The following IQUB variants were observed in gnomAD, a reference collection of about 807,000 sequenced individuals.
The protein encoded by IQUB is IQ motif and ubiquitin-like domain-containing protein.
Under a neutral mutation model 86.4 loss-of-function variants are expected in IQUB, and 86 were observed. The observed-to-expected ratio is 1.00, with a 90% CI of 0.84 to 1.19. The LOEUF (loss-of-function observed/expected upper bound fraction) is 1.19, where lower values mean the gene tolerates loss of function less well. Among genes scored for constraint, IQUB ranks in the 50% most tolerant of loss-of-function variants. The probability of loss-of-function intolerance (pLI) is 0.00; values close to 1 mark genes in which losing one functional copy is unlikely to be tolerated. For synonymous variants in IQUB, 289 were observed against 304.5 expected (o/e 0.95, Z 0.53); for missense variants, 946 against 916.9 (o/e 1.03, Z -0.41).
At chr7:123,455,873 A>T (rs969626047) in intron 12 of IQUB, among the ~76,000 whole-genome samples, 2 of 152,130 alleles carry the variant, frequency 1.3e-5, no homozygotes, top group Non-Finnish European at 2.9e-5. Flanking sequence ...GCACACAAGG[A>T]GAGATCAATC....
intron 7 of IQUB, among the ~76,000 whole-genome samples, chr7:123,489,528 GA>G (rs891864013): frequency 5.3e-5 from 8 of 151,390 alleles, no homozygotes; most frequent in African/African-American, 1.9e-4. Flanking sequence ...TACTAAAATG[GA>G]AAAAATATTA....
intron 1 of IQUB, 128 bp from the exon 2 acceptor site, chr7:123,512,472 T>C (rs1796464159): frequency 2.0e-6 from 1 of 506,024 alleles, no homozygotes; most frequent in African/African-American, 1.9e-5. Flanking sequence ...AAAAAAATGT[T>C]TATCTTAGTA....
intron 3 of IQUB, among the ~76,000 whole-genome samples, chr7:123,506,076 A>T (rs1354478217): frequency 6.6e-6 from 1 of 152,204 alleles, no homozygotes; most frequent in Non-Finnish European, 1.5e-5. Flanking sequence ...TAGAGCAAGG[A>T]CACAGTGCTG....
chr7:123,525,185 A>G (rs967336388), intron 1 of IQUB, among the ~76,000 whole-genome samples: 32 of 151,948 alleles, frequency 2.1e-4, no homozygotes, highest in Middle Eastern at 3.4e-3. Context: ...GTCTCTGCCC[A>G]GCTTTGGTAT....
In IQUB at chr7:123,503,010, A is replaced by T. The variant is rs1315367122; in HGVS notation, c.801T>A (p.Asn267Lys). 1 of 1,613,130 alleles carries T rather than the reference A, an allele frequency of 6.2e-7. No individual in the cohort carries two copies. The highest frequency in any genetic ancestry group is 8.5e-7 in the Non-Finnish European group (1 of 1,179,490). Residue 267 changes from asparagine (N) to lysine (K), a missense_variant, in exon 5 of 13, where the codon AAT (asparagine) becomes AAA (lysine). Coordinates refer to ENST00000324698, the MANE Select transcript of IQUB (RefSeq NM_178827.5). ...TTTTAGGTACAGTTTGTGTTCCAGC[A>T]TTGTGATACTCTACTCCTGTTACTT... The part of the protein sequence containing the change: ...RHKVTGVEYH[N>K]AGTQTVPKRI...
At chr7:123,497,427 T>C (rs1316280239) in intron 6 of IQUB, among the ~76,000 whole-genome samples, 1 of 152,020 alleles carries the variant, frequency 6.6e-6, no homozygotes, top group Non-Finnish European at 1.5e-5. Context: ...TAAATACACA[T>C]CAGGTAGGTA....
chr7:123,462,739 TATATC>T (rs1190048271), intron 10 of IQUB: 1 of 425,578 alleles, frequency 2.3e-6, no homozygotes, highest in East Asian at 7.1e-5. Context: ...AATTAGCAAA[TATATC>T]AGTCAACCTC....
chr7:123,480,273 C>T (rs1584580579), intron 7 of IQUB, among the ~76,000 whole-genome samples: 1 of 152,058 alleles, frequency 6.6e-6, no homozygotes, highest in South Asian at 2.1e-4. Flanking sequence ...TTTGTGGCAG[C>T]CATGAGCGTG....
intron 3 of IQUB, among the ~76,000 whole-genome samples, chr7:123,509,347 A>G (rs1414487727): frequency 6.6e-6 from 1 of 152,210 alleles, no homozygotes; most frequent in Non-Finnish European, 1.5e-5. Flanking sequence ...CTTAATGTAC[A>G]GAATACTCAT....
At chr7:123,527,997 G>T (rs1322661346) in intron 1 of IQUB, among the ~76,000 whole-genome samples, 2 of 152,266 alleles carry the variant, frequency 1.3e-5, no homozygotes, top group African/African-American at 2.4e-5. Flanking sequence ...TCCGAGCCGG[G>T]TGGGGGATAT....
At chr7:123,503,944 T>C (rs572004913) in intron 3 of IQUB, among the ~76,000 whole-genome samples, 7 of 151,960 alleles carry the variant, frequency 4.6e-5, no homozygotes, top group Non-Finnish European at 7.4e-5. Context: ...TGAAACTCCA[T>C]AAACATTTAA....
chr7:123,452,890 G>GTGTT lies in IQUB; in HGVS notation c.2225_2228dup (p.His743GlnfsTer8), dbSNP rs772959181. 1.9e-6 allele frequency: 3 copies of GTGTT among 1,612,760 alleles called. No individual in the cohort carries two copies. The highest frequency in any genetic ancestry group is 3.3e-5 in the Admixed American group (2 of 59,864). On this transcript the variant is annotated frameshift_variant, in exon 13 of 13. Transcript: ENST00000324698. LOFTEE classifies it low-confidence loss of function (END_TRUNC). ...AATAGTTCTTAGCCAGGATATGTTT[G>GTGTT]TGTTTGATCTTGTGAATAAATGAGC...
intron 10 of IQUB, among the ~76,000 whole-genome samples, chr7:123,464,380 C>T (rs1429575551): frequency 6.6e-6 from 1 of 151,792 alleles, no homozygotes; most frequent in Non-Finnish European, 1.5e-5. Context: ...TTATAAGGAA[C>T]ACCAACAAGG....
In IQUB at chr7:123,464,863, C is replaced by T. The variant is rs200441799; in HGVS notation, c.1728G>A (p.Leu576=). 6.3e-7 allele frequency: 1 copy of T among 1,595,788 alleles called. No homozygotes were observed. Among genetic ancestry groups the T allele is most frequent in the East Asian group, 2.3e-5 (1 of 44,198 alleles). The change falls in exon 10 of 13, where the codon CTG becomes CTA. Residue 576 remains leucine (L), a synonymous_variant. Transcript: ENST00000324698. The part of the protein sequence containing the change: ...TLFFHYIKTP[L]FNPEVAKYLK... The stretch of plus-strand genomic sequence containing the variant: ...GGTATTTTGCAACTTCAGGATTAAA[C>T]AGAGGTGTTTTGATATAATGAAAAA...
chr7:123,501,584 C>G (rs936522904), intron 6 of IQUB: 2 of 152,176 alleles, frequency 1.3e-5, no homozygotes, highest in Non-Finnish European at 2.9e-5. Flanking sequence ...AAACATTCCA[C>G]TCTTGCCTAG....
chr7:123,511,908 GA>G lies in IQUB; in HGVS notation c.397+35del, dbSNP rs751297595. 63 of 1,445,920 alleles carry G rather than the reference GA, an allele frequency of 4.4e-5. No individual in the cohort carries two copies. The Middle Eastern group carries it at 1.5e-3, about 34-fold the overall frequency. The allele number at this position is 1,445,920 out of a possible 1,614,324, so 89.6% of individuals were successfully genotyped here. A position where few individuals can be genotyped will look rare whatever the true frequency, so the allele number is the denominator to read the frequency against. ...AGAAAACGCATTCATTCTTCAAAAT[GA>G]GAAAATGAAATAGCCTATCTTCCTT... On this transcript the variant is annotated intron_variant, in intron 2 of 12. Coordinates refer to ENST00000324698, the MANE Select transcript of IQUB (RefSeq NM_178827.5).
rs762857879 is a variant in IQUB at position 123,464,893 on chromosome 7, T to C, written c.1698A>G (p.Thr566=). The change falls in exon 10 of 13, where the codon ACA becomes ACG. Residue 566 remains threonine, a synonymous_variant. Coordinates refer to ENST00000324698, the MANE Select transcript of IQUB (RefSeq NM_178827.5). The part of the protein sequence containing the change: ...NLEGLRKRIA[T]LFFHYIKTPL... The stretch of plus-strand genomic sequence containing the variant: ...GTGTTTTGATATAATGAAAAAAGAG[T>C]GTCGCAATTCTTTTTCTGAGTCCTT... 1 of 1,607,178 alleles carries C rather than the reference T, an allele frequency of 6.2e-7. No individual in the cohort carries two copies. Among genetic ancestry groups the C allele is most frequent in the Admixed American group, 1.7e-5 (1 of 58,712 alleles).
intron 3 of IQUB, among the ~76,000 whole-genome samples, chr7:123,507,957 C>A (rs1479869163): frequency 6.6e-6 from 1 of 152,088 alleles, no homozygotes; most frequent in Non-Finnish European, 1.5e-5. Flanking sequence ...TCCTAATCTC[C>A]CGGACCTATG....
rs1236309627 is a variant in IQUB, at chr7:123,469,269, T to C, written c.1526A>G (p.Asn509Ser). ...ATCCAGCCTCTCATCTTGGGAGATA[T>C]TTTTCAGCATAATGCACTTATAGAT... ...QNIYKCIMLKNISQDERLDVL... is the reference protein window; with the variant it reads ...QNIYKCIMLKSISQDERLDVL... Residue 509 changes from asparagine to serine, a missense_variant, in exon 9 of 13, where the codon AAT becomes AGT. Coordinates refer to ENST00000324698, the MANE Select transcript of IQUB (RefSeq NM_178827.5). 6.2e-7 allele frequency: 1 copy of C among 1,606,416 alleles called. No individual in the cohort carries two copies. Among genetic ancestry groups the C allele is most frequent in the Non-Finnish European group, 8.5e-7 (1 of 1,176,232 alleles).
Sources: allele counts gnomAD v4.1 joint callset (sites outside exome capture counted in the v4.1 genomes callset), GRCh38; gene constraint gnomAD v4.1.1; transcripts MANE v1.5; gene names NCBI Gene and HGNC (gene_info 2026-07-23, HGNC 2026-07-21).